UNC45A: variants seen among roughly 807,000 people sequenced by gnomAD.
UNC45A encodes unc-45 myosin chaperone A.
UNC45A carries 78 observed loss-of-function variants against 103.2 expected under a neutral mutation model. The observed-to-expected ratio is 0.76, with a 90% CI of 0.63 to 0.91. The LOEUF is 0.91. Ranked by LOEUF, UNC45A falls within the 40% of genes least tolerant of loss-of-function variation. The pLI, the probability that UNC45A is intolerant of heterozygous loss-of-function variation, is 0.00. For missense variants in UNC45A, 1,193 were observed against 1,224.8 expected, an observed-to-expected ratio of 0.97 and a Z score of 0.39; for synonymous variants, 495 against 504.6, an observed-to-expected ratio of 0.98 and a Z score of 0.25.
intron 4 of UNC45A, 50 bp from the exon 5 acceptor site, chr15:90,939,681 G>A: frequency 6.3e-7 from 1 of 1,596,676 alleles, no homozygotes; most frequent in South Asian, 1.1e-5. Context: ...GGAGTGTGAT[G>A]TCTCTGGCCA....
upstream of UNC45A, chr15:90,931,254 C>G: frequency 6.4e-7 from 1 of 1,550,712 alleles, no homozygotes; most frequent in Non-Finnish European, 8.7e-7. Context: ...AGTTGTGCCT[C>G]TGGATAGCTT....
chr15:90,936,566 C>A, intron 4 of UNC45A, 106 bp downstream of exon 4: 2 of 1,373,580 alleles, frequency 1.5e-6, no homozygotes, highest in East Asian at 2.5e-5. Flanking sequence ...GCAAGTGAAC[C>A]TTGCCTGTGG....
chr15:90,945,127 G>A (rs2036499460), intron 9 of UNC45A, 64 bp downstream of exon 9: 1 of 1,580,486 alleles, frequency 6.3e-7, no homozygotes, highest in Non-Finnish European at 8.6e-7. Flanking sequence ...GACTCCTTGA[G>A]GAGGGGCAGA....
rs377763973 is a variant in UNC45A, at chr15:90,950,203, C to T, written c.2123C>T (p.Ala708Val). 4.5e-6 allele frequency: 7 copies of T among 1,551,624 alleles called. No individual in the cohort carries two copies. The highest frequency in any genetic ancestry group is 4.9e-5 in the East Asian group (2 of 40,940). The stretch of plus-strand genomic sequence containing the variant: ...GGCACGGACGTGGGGCAGACAAAGG[C>T]AGCCCAGGCCCTTGCCAAGCTCACC... ...LEGTDVGQTKAAQALAKLTIT... is the reference protein window; with the variant it reads ...LEGTDVGQTKVAQALAKLTIT... Residue 708 changes from alanine to valine, a missense_variant, in exon 16 of 20, where the codon GCA becomes GTA. Transcript: ENST00000418476.
At chr15:90,932,487 C>A, upstream of UNC45A, 1 of 1,310,818 alleles carries the variant, frequency 7.6e-7, no homozygotes, top group Non-Finnish European at 9.7e-7. Flanking sequence ...GCTGCCGGTG[C>A]TTGCGAGCCG....
At chr15:90,932,824 A>T, upstream of UNC45A, 1 of 358,484 alleles carries the variant, frequency 2.8e-6, no homozygotes, top group Admixed American at 4.7e-5. Context: ...AAAGAGGAAG[A>T]CAGACAAGAA....
chr15:90,944,700 T>C (rs1567155003), intron 8 of UNC45A, among the ~76,000 whole-genome samples, 192 bp from the exon 9 acceptor site: 1 of 152,260 alleles, frequency 6.6e-6, no homozygotes, highest in Non-Finnish European at 1.5e-5. Context: ...TCTGAGGTCC[T>C]TCCCGATCCT....
In UNC45A at chr15:90,942,745, C is replaced by G. The variant is rs1283219954; in HGVS notation, c.856+140C>G. ...TACGGTTTGGTGACATTATTTTACT[C>G]TAGATTCTCAGCAACCAAGGTGCCT... On this transcript the variant is annotated intron_variant, in intron 7 of 19. Coordinates refer to ENST00000418476, the MANE Select transcript of UNC45A (RefSeq NM_018671.5). 1.3e-5 allele frequency: 19 copies of G among 1,505,692 alleles called. No homozygotes were observed. The Admixed American group carries it at 3.6e-4, about 29-fold the overall frequency. The allele number at this position is 1,505,692 out of a possible 1,614,324, so 93.3% of individuals were successfully genotyped here. A position where few individuals can be genotyped will look rare whatever the true frequency, so the allele number is the denominator to read the frequency against.
intron 10 of UNC45A, chr15:90,947,447 C>G (rs944219509): frequency 3.2e-6 from 1 of 315,962 alleles, no homozygotes; most frequent in South Asian, 4.2e-5. Context: ...GGCTGAAGCA[C>G]CTGTCCTCTC....
chr15:90,932,212 T>A, upstream of UNC45A: 1 of 1,285,638 alleles, frequency 7.8e-7, no homozygotes, highest in Non-Finnish European at 1.1e-6. Context: ...GGACTCTGAC[T>A]AGCTGGGTGA....
Position 90,942,574 on chromosome 15 carries a change from C to T in UNC45A, c.825C>T (p.Gly275=), listed in dbSNP as rs748962267. 6 of 1,614,186 alleles carry T rather than the reference C, an allele frequency of 3.7e-6. No homozygotes were observed. Among genetic ancestry groups the T allele is most frequent in the Non-Finnish European group, 5.1e-6 (6 of 1,180,036 alleles). ...CCCTCAAGGAAGGTGTCAAAAAAGGCTTCCGAGGCAAAGAAGGTGCCATCA... is the reference window on the plus strand; with the variant it reads ...CCCTCAAGGAAGGTGTCAAAAAAGGTTTCCGAGGCAAAGAAGGTGCCATCA... ...FDALKEGVKK[G]FRGKEGAIIV... Residue 275 remains glycine (G), a synonymous_variant, in exon 7 of 20, where the codon GGC becomes GGT. Coordinates refer to ENST00000418476, the MANE Select transcript of UNC45A (RefSeq NM_018671.5).
chr15:90,940,588 C>T, intron 6 of UNC45A, 115 bp downstream of exon 6: 1 of 1,312,674 alleles, frequency 7.6e-7, no homozygotes, highest in South Asian at 1.4e-5. Flanking sequence ...CATCCATCCA[C>T]TCTTCCACCC....
chr15:90,931,618 G>A, upstream of UNC45A: 1 of 1,613,858 alleles, frequency 6.2e-7, no homozygotes, highest in Non-Finnish European at 8.5e-7. Context: ...AGAATGCCCA[G>A]GGTTTTTCAG....
upstream of UNC45A, chr15:90,932,615 G>T: frequency 1.1e-6 from 1 of 941,146 alleles, no homozygotes; most frequent in Non-Finnish European, 1.4e-6. Context: ...GCGCCGGGGA[G>T]GCCCGGGGAT....
chr15:90,943,836 G>C (rs546604758), intron 8 of UNC45A, among the ~76,000 whole-genome samples: 2 of 151,760 alleles, frequency 1.3e-5, no homozygotes, highest in Non-Finnish European at 2.9e-5. Flanking sequence ...TTATAGGCAC[G>C]CATCAGTATG....
At position 90,948,282 on chromosome 15, in the gene UNC45A, G is replaced by A. The variant is rs1433204400; in HGVS notation, c.1736G>A (p.Arg579Lys). The A allele has an allele frequency of 6.2e-7, 1 of 1,613,574 alleles. No homozygotes were observed. Among genetic ancestry groups the A allele is most frequent in the Non-Finnish European group, 8.5e-7 (1 of 1,180,036 alleles). ...AALKALFQLS[R>K]LEERSVLFAV... Reference sequence around the variant, plus strand: ...CTGAAAGCTCTGTTCCAGCTCAGCAGGGTAGCTCTGTGGTTCCTGCCGTCA... The same window carrying A: ...CTGAAAGCTCTGTTCCAGCTCAGCAAGGTAGCTCTGTGGTTCCTGCCGTCA... Residue 579 changes from arginine to lysine, a missense_variant and splice_region_variant, in exon 12 of 20, where the codon AGG becomes AAG. Transcript: ENST00000418476.
intron 5 of UNC45A, 108 bp from the exon 6 acceptor site, chr15:90,940,198 A>G: frequency 1.6e-6 from 2 of 1,286,636 alleles, no homozygotes; most frequent in Non-Finnish European, 1.1e-6. Flanking sequence ...TGGTCACTCA[A>G]CTGTGAAGTG....
At position 90,953,553 on chromosome 15, in the gene UNC45A, A is replaced by G; in HGVS notation, c.2672A>G (p.Glu891Gly). The G allele has an allele frequency of 6.2e-7, 1 of 1,614,144 alleles. No individual in the cohort carries two copies. Among genetic ancestry groups the G allele is most frequent in the Non-Finnish European group, 8.5e-7 (1 of 1,180,036 alleles). The change falls in exon 20 of 20, where the codon GAG becomes GGG. Residue 891 changes from glutamate (E) to glycine (G), a missense_variant. By Grantham distance (98) the Glu-to-Gly change is moderately conservative. Coordinates refer to ENST00000418476, the MANE Select transcript of UNC45A (RefSeq NM_018671.5). ...RGAVVVLNMVEASREIASTLM... is the reference protein window; with the variant it reads ...RGAVVVLNMVGASREIASTLM... ...GCTGTGGTGGTGCTGAACATGGTGGAGGCCTCGAGGGAGATTGCCAGCACC... is the reference window on the plus strand; with the variant it reads ...GCTGTGGTGGTGCTGAACATGGTGGGGGCCTCGAGGGAGATTGCCAGCACC...
rs2036345413 is a variant in UNC45A at position 90,942,509 on chromosome 15, T to A, written c.760T>A (p.Ser254Thr). The stretch of plus-strand genomic sequence containing the variant: ...CCTGGGCGTGGAAAGCCAGGCTGTG[T>A]CCCTGGCTGCCTGCCACCTGCTGCA... ...SILGVESQAV[S>T]LAACHLLQVM... is the part of the protein sequence containing the mutation. Residue 254 changes from serine (S) to threonine (T), a missense_variant, in exon 7 of 20, where the codon TCC (serine) becomes ACC (threonine). Coordinates refer to ENST00000418476, the MANE Select transcript of UNC45A (RefSeq NM_018671.5). 1.9e-6 allele frequency: 3 copies of A among 1,614,168 alleles called. No homozygotes were observed. Among genetic ancestry groups the A allele is most frequent in the Non-Finnish European group, 1.7e-6 (2 of 1,180,036 alleles).
Sources: gnomAD v4.1 joint callset for allele counts (sites outside exome capture counted in the v4.1 genomes callset) on GRCh38, gnomAD v4.1.1 for gene constraint, MANE v1.5 for transcripts, NCBI Gene and HGNC (gene_info 2026-07-23, HGNC 2026-07-21) for gene names.